NFIA: variants seen among roughly 807,000 people sequenced by gnomAD.
NFIA encodes nuclear factor 1 A-type.
In NFIA, 8 loss-of-function variants were observed where a neutral mutation model predicts 62.8. The observed-to-expected ratio is 0.13, with a 90% confidence interval of 0.07 to 0.23. NFIA has a LOEUF of 0.23. Among genes scored for constraint, NFIA ranks in the 10% least tolerant of loss-of-function variants. NFIA has a pLI of 1.00. For missense variants in NFIA, 410 were observed against 642.1 expected, an observed-to-expected ratio of 0.64 and a Z score of 3.91; for synonymous variants, 235 against 238.1, an observed-to-expected ratio of 0.99 and a Z score of 0.12.
At chr1:61,319,886 A>G (rs748365627) in intron 3 of NFIA, among the ~76,000 whole-genome samples, 8 of 151,540 alleles carry the variant, frequency 5.3e-5, no homozygotes, top group Non-Finnish European at 8.8e-5. Flanking sequence ...AACAATTTCT[A>G]ATCAGCACTC....
chr1:61,171,458 T>C (rs1649961028), intron 2 of NFIA, among the ~76,000 whole-genome samples: 2 of 152,256 alleles, frequency 1.3e-5, no homozygotes, highest in African/African-American at 2.4e-5. Flanking sequence ...GACATTTTTT[T>C]CTCTGGTTGA....
At chr1:61,143,517 G>C (rs1647693469) in intron 2 of NFIA, among the ~76,000 whole-genome samples, 1 of 152,048 alleles carries the variant, frequency 6.6e-6, no homozygotes. Flanking sequence ...AGCCTCCCAG[G>C]TAACTGGGGC....
At chr1:61,358,643 C>T (rs1663111122) in intron 5 of NFIA, among the ~76,000 whole-genome samples, 1 of 152,148 alleles carries the variant, frequency 6.6e-6, no homozygotes, top group African/African-American at 2.4e-5. Context: ...CTGCCTTGGC[C>T]TCCCAAAGTC....
intron 3 of NFIA, among the ~76,000 whole-genome samples, chr1:61,306,093 G>A (rs1036927517): frequency 1.3e-5 from 2 of 151,364 alleles, no homozygotes; most frequent in African/African-American, 4.8e-5. Flanking sequence ...CTCGTGATCC[G>A]CCCGCCTTGG....
At chr1:61,177,748 A>G (rs1263436279) in intron 2 of NFIA, among the ~76,000 whole-genome samples, 1 of 151,800 alleles carries the variant, frequency 6.6e-6, no homozygotes, top group Non-Finnish European at 1.5e-5. Flanking sequence ...TCCCCTTTCC[A>G]TAACTCCCAC....
intron 7 of NFIA, among the ~76,000 whole-genome samples, chr1:61,384,216 G>A (rs959493651): frequency 2.6e-5 from 4 of 152,144 alleles, no homozygotes; most frequent in Non-Finnish European, 5.9e-5. Flanking sequence ...AAACATCCTA[G>A]AAAATTATGA....
intron 10 of NFIA, among the ~76,000 whole-genome samples, chr1:61,451,252 C>T (rs554215038): frequency 2.6e-5 from 4 of 152,262 alleles, no homozygotes; most frequent in Non-Finnish European, 4.4e-5. Context: ...TGTAAATTAA[C>T]GGGCGGCAAG....
intron 6 of NFIA, among the ~76,000 whole-genome samples, chr1:61,369,082 A>G (rs1274807693): frequency 6.6e-6 from 1 of 152,186 alleles, no homozygotes; most frequent in African/African-American, 2.4e-5. Flanking sequence ...TGCATCAGCC[A>G]TTTCATCGTT....
At chr1:61,208,027 A>G (rs1044807791) in intron 2 of NFIA, among the ~76,000 whole-genome samples, 8 of 147,722 alleles carry the variant, frequency 5.4e-5, no homozygotes, top group Non-Finnish European at 1.0e-4. Context: ...GGATAAGGTA[A>G]GGCACTGTCT....
At chr1:61,082,930 C>T in intron 1 of NFIA, 112 bp downstream of exon 1, 2 of 908,666 alleles carry the variant, frequency 2.2e-6, no homozygotes, top group Non-Finnish European at 2.8e-6. Context: ...GGGCGTGCGT[C>T]TCGGTGTGTG....
At chr1:61,428,889 A>G (rs1291697963) in intron 10 of NFIA, among the ~76,000 whole-genome samples, 1 of 152,204 alleles carries the variant, frequency 6.6e-6, no homozygotes, top group Non-Finnish European at 1.5e-5. Context: ...CTGGGAAAAC[A>G]AAATTTTGCT....
intron 2 of NFIA, among the ~76,000 whole-genome samples, chr1:61,239,203 G>A (rs1655185055): frequency 6.6e-6 from 1 of 152,066 alleles, no homozygotes; most frequent in Non-Finnish European, 1.5e-5. Context: ...TCTTTTCTTA[G>A]TAGTACTCTA....
chr1:61,234,999 C>G (rs1192136764), intron 2 of NFIA, among the ~76,000 whole-genome samples: 1 of 152,158 alleles, frequency 6.6e-6, no homozygotes, highest in Non-Finnish European at 1.5e-5. Context: ...TAGGTCCTGT[C>G]TTGATCCTAG....
chr1:61,393,244 CCTCTCTCTCTCTCTCTCTCTCT>C lies in NFIA; in HGVS notation c.1075+9905_1075+9926del, dbSNP rs766730638. 6.2e-4 allele frequency among the ~76,000 whole-genome samples: 18 copies of C among 29,104 alleles called. 3 individuals carry two copies. The highest frequency in any genetic ancestry group is 2.9e-3 in the African/African-American group (14 of 4,824). 19.1% of individuals were successfully genotyped at this position (29,104 alleles called of 152,430 possible). ...ATGGTTTCTTCTGCCTCGCCCTCTC[CCTCTCTCTCTCTCTCTCTCTCT>C]CTCTCTCTCTCTCTCTCTCTCTCTC... On this transcript the variant is annotated intron_variant, in intron 7 of 10. Coordinates refer to ENST00000403491, the MANE Select transcript of NFIA (RefSeq NM_001134673.4).
chr1:61,107,885 T>G (rs1384854715), intron 2 of NFIA, among the ~76,000 whole-genome samples: 2 of 151,676 alleles, frequency 1.3e-5, no homozygotes, highest in Admixed American at 6.6e-5. Context: ...TGGACAGTTT[T>G]CACTTTATCA....
intron 2 of NFIA, among the ~76,000 whole-genome samples, chr1:61,254,991 G>C (rs1656287542): frequency 6.6e-6 from 1 of 152,166 alleles, no homozygotes; most frequent in Non-Finnish European, 1.5e-5. Flanking sequence ...GTGACAGCTA[G>C]GATCCCCTTT....
At chr1:61,341,690 C>G (rs1339060968) in intron 4 of NFIA, among the ~76,000 whole-genome samples, 1 of 152,208 alleles carries the variant, frequency 6.6e-6, no homozygotes, top group Non-Finnish European at 1.5e-5. Flanking sequence ...GTTGCCCAGG[C>G]TCGTCTCGAA....
intron 2 of NFIA, among the ~76,000 whole-genome samples, chr1:61,200,366 T>G (rs1413289419): frequency 6.6e-6 from 1 of 151,916 alleles, no homozygotes; most frequent in Non-Finnish European, 1.5e-5. Flanking sequence ...AAAGTACCCA[T>G]TAGAGGTTAG....
chr1:61,200,524 T>G (rs989752754), intron 2 of NFIA, among the ~76,000 whole-genome samples: 2 of 152,204 alleles, frequency 1.3e-5, no homozygotes, highest in African/African-American at 4.8e-5. Flanking sequence ...CCCTCTTGAT[T>G]TGATCTGCCA....
Sources: gnomAD v4.1 joint callset for allele counts (sites outside exome capture counted in the v4.1 genomes callset) on GRCh38, gnomAD v4.1.1 for gene constraint, MANE v1.5 for transcripts, NCBI Gene and HGNC (gene_info 2026-07-23, HGNC 2026-07-21) for gene names.